ATP2B2: variants seen among roughly 807,000 people sequenced by gnomAD.
ATP2B2 encodes the protein plasma membrane calcium-transporting ATPase 2.
ATP2B2 carries 15 observed loss-of-function variants against 120.0 expected under a neutral mutation model. The observed-to-expected ratio is 0.12, with a 90% confidence interval of 0.08 to 0.19. The LOEUF is 0.19. Among genes scored for constraint, ATP2B2 ranks in the 10% least tolerant of loss-of-function variants. The pLI is 1.00. For missense variants in ATP2B2, 1,045 were observed against 1,719.8 expected, an observed-to-expected ratio of 0.61 and a Z score of 6.94; for synonymous variants, 694 against 700.3, an observed-to-expected ratio of 0.99 and a Z score of 0.14.
At chr3:10,559,130 A>G (rs933419292) in intron 2 of ATP2B2, among the ~76,000 whole-genome samples, 1 of 152,246 alleles carries the variant, frequency 6.6e-6, no homozygotes, top group African/African-American at 2.4e-5. Context: ...TAGTAAGATG[A>G]ACGATATTAA....
At chr3:10,573,570 T>A (rs2068175718) in intron 2 of ATP2B2, among the ~76,000 whole-genome samples, 1 of 152,196 alleles carries the variant, frequency 6.6e-6, no homozygotes, top group Admixed American at 6.5e-5. Context: ...TATTCCTGTG[T>A]CCCCATCCAG....
At chr3:10,525,945 A>G (rs1478290583) in intron 3 of ATP2B2, among the ~76,000 whole-genome samples, 1 of 152,228 alleles carries the variant, frequency 6.6e-6, no homozygotes, top group East Asian at 1.9e-4. Context: ...CAGTAGATGA[A>G]TAAGACCCTT....
At chr3:10,540,562 C>T (rs575529006) in intron 2 of ATP2B2, among the ~76,000 whole-genome samples, 20 of 152,068 alleles carry the variant, frequency 1.3e-4, no homozygotes, top group African/African-American at 4.8e-4. Flanking sequence ...AGTTAATGTC[C>T]TTTGTAGGGA....
intron 2 of ATP2B2, among the ~76,000 whole-genome samples, chr3:10,559,829 T>C (rs2067863813): frequency 1.3e-5 from 2 of 152,216 alleles, no homozygotes; most frequent in Non-Finnish European, 2.9e-5. Flanking sequence ...GAGCTCAGAA[T>C]GAGTCCCGGG....
intron 1 of ATP2B2, among the ~76,000 whole-genome samples, chr3:10,694,303 C>T (rs1043114491): frequency 1.3e-5 from 2 of 152,230 alleles, no homozygotes; most frequent in African/African-American, 4.8e-5. Flanking sequence ...TTCGTACTAC[C>T]CCTTTACAGC....
chr3:10,349,718 A>C (rs1258540673), intron 16 of ATP2B2, among the ~76,000 whole-genome samples: 1 of 152,024 alleles, frequency 6.6e-6, no homozygotes, highest in South Asian at 2.1e-4. Context: ...ATCAGACAAC[A>C]AGCAGCAGTA....
intron 1 of ATP2B2, among the ~76,000 whole-genome samples, chr3:10,695,618 C>T (rs2071731637): frequency 1.3e-5 from 2 of 152,144 alleles, no homozygotes; most frequent in African/African-American, 4.8e-5. Flanking sequence ...TCATCCCAGA[C>T]CAGCCTAGAG....
intron 1 of ATP2B2, among the ~76,000 whole-genome samples, chr3:10,478,850 C>T (rs565578662): frequency 1.3e-5 from 2 of 152,192 alleles, no homozygotes; most frequent in African/African-American, 4.8e-5. Context: ...ATTGTAATTC[C>T]CATGTGTAAC....
chr3:10,697,990 T>C (rs1438799576), intron 1 of ATP2B2, among the ~76,000 whole-genome samples: 1 of 152,212 alleles, frequency 6.6e-6, no homozygotes, highest in Non-Finnish European at 1.5e-5. Context: ...CAGCGTACAG[T>C]TGGGGCAGAT....
At chr3:10,639,027 T>C (rs2070098154) in intron 1 of ATP2B2, among the ~76,000 whole-genome samples, 1 of 152,188 alleles carries the variant, frequency 6.6e-6, no homozygotes, top group Non-Finnish European at 1.5e-5. Flanking sequence ...TACTTCTCCC[T>C]CAATAATTGA....
At chr3:10,553,772 T>A (rs2067719682) in intron 2 of ATP2B2, among the ~76,000 whole-genome samples, 1 of 152,054 alleles carries the variant, frequency 6.6e-6, no homozygotes, top group Non-Finnish European at 1.5e-5. Context: ...GTTATCGAGA[T>A]AATCCAAAGT....
rs75993927 is a variant in ATP2B2 at position 10,399,777 on chromosome 3, C to T, written c.781+1176G>A. On this transcript the variant is annotated intron_variant, in intron 5 of 22. Coordinates refer to ENST00000360273, the MANE Select transcript of ATP2B2 (RefSeq NM_001001331.4). ...GTGCCTTTGTACATGGTTCCCTCTG[C>T]TAGGAGGGCCCGTTCTCTACAATTG... is the stretch of plus-strand genomic sequence containing the variant. 4.4e-3 allele frequency among the ~76,000 whole-genome samples: 675 copies of T among 152,336 alleles called. 6 individuals carry two copies. The highest frequency in any genetic ancestry group is 7.0e-3 in the Non-Finnish European group (475 of 68,016).
intron 12 of ATP2B2, among the ~76,000 whole-genome samples, chr3:10,366,518 C>T (rs978330795): frequency 2.6e-5 from 4 of 152,198 alleles, no homozygotes; most frequent in African/African-American, 9.7e-5. Context: ...CAGAAATACG[C>T]CATAAACTCC....
intron 2 of ATP2B2, among the ~76,000 whole-genome samples, chr3:10,562,664 C>A (rs188240524): frequency 1.3e-5 from 2 of 152,184 alleles, no homozygotes; most frequent in South Asian, 4.1e-4. Flanking sequence ...AATTTTTGGA[C>A]CTCAAGTTGA....
chr3:10,326,594 G>A lies in ATP2B2; in HGVS notation c.*2220C>T. On this transcript the variant is annotated 3_prime_UTR_variant, in exon 23 of 23. Transcript: ENST00000360273. ...TACACGTGCAGATCTTTCCTTCCTT[G>A]TAGGAGAGCAGTGGGCTGGCTTTGG... 1 of 398,074 alleles carries A rather than the reference G, an allele frequency of 2.5e-6. No individual in the cohort carries two copies. The highest frequency in any genetic ancestry group is 4.4e-6 in the Non-Finnish European group (1 of 225,990). The allele number at this position is 398,074 out of a possible 1,614,324, so 24.7% of individuals were successfully genotyped here. A position where few individuals can be genotyped will look rare whatever the true frequency, so the allele number is the denominator to read the frequency against.
intron 1 of ATP2B2, among the ~76,000 whole-genome samples, chr3:10,488,288 T>TCCACCCAC (rs1245841044): frequency 8.8e-6 from 1 of 113,894 alleles, no homozygotes; most frequent in Non-Finnish European, 1.8e-5. Context: ...CATGCATCCA[T>TCCACCCAC]CCACCCACCC....
intron 2 of ATP2B2, among the ~76,000 whole-genome samples, chr3:10,543,494 A>G (rs2125499246): frequency 6.6e-6 from 1 of 152,350 alleles, no homozygotes; most frequent in Middle Eastern, 3.4e-3. Context: ...TAGGAATCCA[A>G]CTACCTTCAA....
rs142054025 is a variant in ATP2B2 at position 10,623,347 on chromosome 3, C to T, written c.-459-3386G>A. Among the ~76,000 whole-genome samples, 326 of 152,258 alleles carry T rather than the reference C, an allele frequency of 2.1e-3. 3 individuals are homozygous for T. The highest frequency in any genetic ancestry group is 5.7e-3 in the African/African-American group (235 of 41,544). On this transcript the variant is annotated intron_variant, in intron 1 of 21. Coordinates refer to the ATP2B2 transcript ENST00000646379. Reference sequence around the variant, plus strand: ...TGCTGGGAATATAGGCCTGAGCCACCGTGCCTAATTGGTGACTGAGTTCTT... The same window carrying T: ...TGCTGGGAATATAGGCCTGAGCCACTGTGCCTAATTGGTGACTGAGTTCTT...
intron 1 of ATP2B2, among the ~76,000 whole-genome samples, chr3:10,668,930 A>G (rs1310488723): frequency 6.6e-6 from 1 of 152,234 alleles, no homozygotes; most frequent in Non-Finnish European, 1.5e-5. Flanking sequence ...CAACCCGAGG[A>G]GAGCCGCACT....
Sources: gnomAD v4.1 joint callset for allele counts (sites outside exome capture counted in the v4.1 genomes callset) on GRCh38, gnomAD v4.1.1 for gene constraint, MANE v1.5 for transcripts, NCBI Gene and HGNC (gene_info 2026-07-23, HGNC 2026-07-21) for gene names.